ACVR1B: variants seen among roughly 807,000 people sequenced by gnomAD.
ACVR1B encodes activin receptor type-1B.
Under a neutral mutation model 55.6 loss-of-function variants are expected in ACVR1B, and 15 were observed. The observed-to-expected ratio is 0.27, with a 90% CI of 0.18 to 0.42. ACVR1B has a LOEUF of 0.42. Among genes scored for constraint, ACVR1B ranks in the 10% least tolerant of loss-of-function variants. The pLI is 1.00. For synonymous variants in ACVR1B, 247 were observed against 254.6 expected (o/e 0.97, Z 0.28); for missense variants, 359 against 670.1 (o/e 0.54, Z 5.13).
intron 3 of ACVR1B, 46 bp downstream of exon 3, chr12:51,976,621 G>C (rs980121351): frequency 1.9e-6 from 3 of 1,605,310 alleles, no homozygotes; most frequent in African/African-American, 2.7e-5. Flanking sequence ...GCTTTCATCA[G>C]TTTCCCAGCA....
intron 1 of ACVR1B, among the ~76,000 whole-genome samples, chr12:51,953,880 A>G (rs74094859): frequency 0.022 from 3,284 of 152,266 alleles, 126 homozygotes; most frequent in African/African-American, 0.071. Flanking sequence ...TGAGTAAAAT[A>G]GGGAGTTCGT....
chr12:51,973,767 C>G (rs2120582420), intron 1 of ACVR1B, among the ~76,000 whole-genome samples: 1 of 152,326 alleles, frequency 6.6e-6, no homozygotes, highest in South Asian at 2.1e-4. Flanking sequence ...AGAAAGGGAT[C>G]TGATGAAACG....
Position 51,986,854 on chromosome 12 carries a change from T to C in ACVR1B, c.1173T>C (p.Asn391=). The C allele has an allele frequency of 1.9e-6, 3 of 1,614,080 alleles. No homozygotes were observed. The highest frequency in any genetic ancestry group is 2.5e-6 in the Non-Finnish European group (3 of 1,179,950). The change falls in exon 7 of 9, where the codon AAT becomes AAC. Residue 391 remains asparagine, a synonymous_variant. Transcript: ENST00000257963. ...CTGAAGTACTTGATGAAACCATTAATATGAAACACTTTGACTCCTTTAAAT... is the reference window on the plus strand; with the variant it reads ...CTGAAGTACTTGATGAAACCATTAACATGAAACACTTTGACTCCTTTAAAT... ...MAPEVLDETI[N]MKHFDSFKCA...
At chr12:51,966,399 G>A (rs1267960074) in intron 1 of ACVR1B, among the ~76,000 whole-genome samples, 1 of 152,204 alleles carries the variant, frequency 6.6e-6, no homozygotes, top group East Asian at 1.9e-4. Flanking sequence ...AAGGTTTTAG[G>A]AGATCTCTTA....
intron 8 of ACVR1B, 27 bp downstream of exon 8, chr12:51,992,020 C>T (rs777798210): frequency 1.2e-6 from 2 of 1,614,206 alleles, no homozygotes; most frequent in South Asian, 2.2e-5. Context: ...CTGCGGCTTT[C>T]CCATCAGCCT....
rs1942272773 is a variant in ACVR1B at position 51,994,956 on chromosome 12, A to C, written c.*846A>C. ...AGGCTACTCTGCCCACCCCAGCATC[A>C]GCACAGCTCTCCTCCTCCATCTCAG... On this transcript the variant is annotated 3_prime_UTR_variant, in exon 9 of 9. Transcript: ENST00000257963. This position sits in a 1 kb window ranked among gnomAD's most constrained non-coding sequence, Gnocchi z 4.2. 6.5e-6 allele frequency: 1 copy of C among 152,724 alleles called. No individual in the cohort carries two copies. Among genetic ancestry groups the C allele is most frequent in the African/African-American group, 2.4e-5 (1 of 41,418 alleles). The allele number at this position is 152,724 out of a possible 1,614,324, so 9.5% of individuals were successfully genotyped here.
Position 51,964,217 on chromosome 12 carries a change from C to T in ACVR1B, c.92-11048C>T, listed in dbSNP as rs144744643. ...GTGCAGTGGTGTATTCTTAGCTCAT[C>T]GCAGCCTTGAACTCCTGGGCTTAAG... On this transcript the variant is annotated intron_variant, in intron 1 of 8. Transcript: ENST00000257963. Among the ~76,000 whole-genome samples the T allele has an allele frequency of 1.4e-4, 22 of 152,242 alleles. No individual in the cohort carries two copies. The East Asian group carries it at 4.0e-3, about 28-fold the overall frequency.
At chr12:51,983,399 A>AT (rs1014969835) in intron 4 of ACVR1B, among the ~76,000 whole-genome samples, 103 of 152,294 alleles carry the variant, frequency 6.8e-4, no homozygotes, top group African/African-American at 2.3e-3. Flanking sequence ...ACTGAAAAGC[A>AT]TTTTTTGGCC....
At chr12:51,954,663 C>T (rs1323194515) in intron 1 of ACVR1B, among the ~76,000 whole-genome samples, 1 of 152,160 alleles carries the variant, frequency 6.6e-6, no homozygotes, top group Non-Finnish European at 1.5e-5. Flanking sequence ...TGGTTTTCAG[C>T]CCTAGAACTT....
In ACVR1B at chr12:51,981,085, G is replaced by T; in HGVS notation, c.697G>T (p.Val233Leu). ...RGRWRGGDVAVKIFSSREERS... is the reference protein window; with the variant it reads ...RGRWRGGDVALKIFSSREERS... ...CCGCTGGAGGGGTGGTGATGTGGCT[G>T]TGAAAATATTCTCTTCTCGTGAAGA... The change falls in exon 4 of 9, where the codon GTG becomes TTG. Residue 233 changes from valine to leucine, a missense_variant. Transcript: ENST00000257963. 6.2e-7 allele frequency: 1 copy of T among 1,614,186 alleles called. No homozygotes were observed. Among genetic ancestry groups the T allele is most frequent in the Non-Finnish European group, 8.5e-7 (1 of 1,180,022 alleles).
At chr12:51,978,687 C>T (rs569581785) in intron 3 of ACVR1B, among the ~76,000 whole-genome samples, 4,719 of 29,646 alleles carry the variant, frequency 0.16, 105 homozygotes, top group South Asian at 0.27. Flanking sequence ...AAAAATTAGC[C>T]GGGCGTGGTG....
chr12:51,986,695 G>T, intron 6 of ACVR1B, 123 bp from the exon 7 acceptor site: 18 of 1,335,406 alleles, frequency 1.3e-5, no homozygotes, highest in Non-Finnish European at 1.8e-5. Flanking sequence ...CACTTCTTCT[G>T]CCCCAAGGGA....
At chr12:51,958,637 G>A (rs1480501281) in intron 1 of ACVR1B, among the ~76,000 whole-genome samples, 1 of 145,314 alleles carries the variant, frequency 6.9e-6, no homozygotes, top group Non-Finnish European at 1.5e-5. Flanking sequence ...AACAGAGTGA[G>A]ACTCCTCAAA....
At chr12:51,972,132 C>T (rs965285478) in intron 1 of ACVR1B, among the ~76,000 whole-genome samples, 2 of 152,056 alleles carry the variant, frequency 1.3e-5, no homozygotes, top group East Asian at 1.9e-4. Context: ...ATTAGCTGGG[C>T]GTGGTGGCAC....
intron 7 of ACVR1B, chr12:51,987,877 T>A (rs1046016236): frequency 6.6e-6 from 1 of 152,294 alleles, no homozygotes; most frequent in African/African-American, 2.4e-5. Context: ...GTGTAAATGC[T>A]TGAAGGGATG....
intron 5 of ACVR1B, 32 bp downstream of exon 5, chr12:51,984,198 G>A (rs1346012876): frequency 9.3e-6 from 15 of 1,612,684 alleles, no homozygotes; most frequent in African/African-American, 1.3e-5. Context: ...CGGCGAAGTG[G>A]TGTAGGCATG....
chr12:51,984,096 G>A lies in ACVR1B; in HGVS notation c.909G>A (p.Gly303=), dbSNP rs745960486. Reference sequence around the variant, plus strand: ...ACCGGTACACAGTGACAATTGAGGGGATGATTAAGCTGGCCTTGTCTGCTG... The same window carrying A: ...ACCGGTACACAGTGACAATTGAGGGAATGATTAAGCTGGCCTTGTCTGCTG... The part of the protein sequence containing the change: ...YLNRYTVTIE[G]MIKLALSAAS... The change falls in exon 5 of 9, where the codon GGG becomes GGA. Residue 303 remains glycine, a synonymous_variant. Coordinates refer to ENST00000257963, the MANE Select transcript of ACVR1B (RefSeq NM_004302.5). The A allele has an allele frequency of 6.2e-7, 1 of 1,614,208 alleles. No homozygotes were observed. The highest frequency in any genetic ancestry group is 1.7e-5 in the Admixed American group (1 of 60,028).
intron 7 of ACVR1B, among the ~76,000 whole-genome samples, chr12:51,989,359 A>G (rs988982460): frequency 1.3e-5 from 2 of 151,960 alleles, no homozygotes; most frequent in African/African-American, 4.8e-5. Flanking sequence ...ATCTTAGCTC[A>G]CTGCAACCTC....
intron 1 of ACVR1B, among the ~76,000 whole-genome samples, chr12:51,973,893 A>G (rs1405063678): frequency 6.6e-6 from 1 of 152,214 alleles, no homozygotes; most frequent in African/African-American, 2.4e-5. Flanking sequence ...CGGCTCATTT[A>G]TAGAAAGCCT....
Sources: gnomAD v4.1 joint callset for allele counts (sites outside exome capture counted in the v4.1 genomes callset) on GRCh38, gnomAD v4.1.1 for gene constraint, Gnocchi (gnomAD v3.1) non-coding constraint, MANE v1.5 for transcripts, NCBI Gene and HGNC (gene_info 2026-07-23, HGNC 2026-07-21) for gene names.